The following USP34 variants were observed in gnomAD, a reference collection of about 807,000 sequenced individuals.
USP34 encodes ubiquitin specific peptidase 34, also known as ubiquitin carboxyl-terminal hydrolase 34.
In USP34, 70 loss-of-function variants were observed where a neutral mutation model predicts 460.3. The ratio of observed to expected loss-of-function variants is 0.15; its 90% CI spans 0.13 to 0.19. The LOEUF is 0.19. Ranked by LOEUF, USP34 falls within the 10% of genes least tolerant of loss-of-function variation. USP34 has a pLI of 1.00. For missense variants in USP34, 3,985 were observed against 4,236.2 expected, an observed-to-expected ratio of 0.94 and a Z score of 1.65; for synonymous variants, 1,647 against 1,405.3, an observed-to-expected ratio of 1.17 and a Z score of -3.85.
intron 49 of USP34, among the ~76,000 whole-genome samples, chr2:61,248,002 C>G (rs1279593425): frequency 2.0e-5 from 3 of 152,016 alleles, no homozygotes; most frequent in Non-Finnish European, 4.4e-5. Context: ...ACCTAGCCAA[C>G]ACGGCGAAAC....
At chr2:61,312,708 A>C (rs1435933520) in intron 25 of USP34, among the ~76,000 whole-genome samples, 1 of 152,138 alleles carries the variant, frequency 6.6e-6, no homozygotes, top group African/African-American at 2.4e-5. Context: ...AAGCCCAATT[A>C]ATAATTTGTT....
chr2:61,273,011 CAAT>C (rs1193119562), intron 41 of USP34, among the ~76,000 whole-genome samples: 2 of 152,112 alleles, frequency 1.3e-5, no homozygotes, highest in Non-Finnish European at 2.9e-5. Context: ...AGTCTACCAA[CAAT>C]AAGTCAATTT....
intron 19 of USP34, among the ~76,000 whole-genome samples, chr2:61,331,647 A>G (rs1482128572): frequency 6.6e-6 from 1 of 152,194 alleles, no homozygotes; most frequent in Non-Finnish European, 1.5e-5. Context: ...ATTAAAAGTA[A>G]TATGATACCC....
At chr2:61,433,396 A>T (rs936317817) in intron 1 of USP34, among the ~76,000 whole-genome samples, 2 of 152,110 alleles carry the variant, frequency 1.3e-5, no homozygotes, top group African/African-American at 4.8e-5. Context: ...CACTTTGAGG[A>T]GCTGAGGCAG....
At chr2:61,411,841 A>G (rs763953320) in intron 2 of USP34, among the ~76,000 whole-genome samples, 4 of 152,212 alleles carry the variant, frequency 2.6e-5, no homozygotes, top group African/African-American at 4.8e-5. Flanking sequence ...GATAACAATA[A>G]TAAGATATGC....
intron 8 of USP34, among the ~76,000 whole-genome samples, chr2:61,375,700 C>A (rs777238454): frequency 4.3e-5 from 6 of 137,944 alleles, no homozygotes; most frequent in Non-Finnish European, 7.6e-5. Context: ...ATCTGGGAGG[C>A]GGAGCTTGCA....
intron 10 of USP34, among the ~76,000 whole-genome samples, chr2:61,367,328 G>A (rs1007690312): frequency 6.6e-5 from 10 of 152,028 alleles, no homozygotes; most frequent in Non-Finnish European, 1.0e-4. Flanking sequence ...ACACGCGCGC[G>A]CACACACACA....
intron 67 of USP34, chr2:61,220,092 A>G: frequency 2.4e-6 from 1 of 415,278 alleles, no homozygotes; most frequent in East Asian, 4.0e-5. Flanking sequence ...TTATCAAGCA[A>G]GGAAACAAAA....
chr2:61,252,893 GACAAA>G (rs1291812590), intron 48 of USP34, among the ~76,000 whole-genome samples: 7 of 152,208 alleles, frequency 4.6e-5, no homozygotes, highest in South Asian at 4.2e-4. Context: ...AAACTAAGAT[GACAAA>G]ACAAAACAAA....
rs952597273 is a variant in USP34 at position 61,428,780 on chromosome 2, G to A, written c.44-7947C>T. ...CAGACTTAGGAAAAAAATTAGCTATGCCGATTCAGAGGTAACTCCTAGGAA... is the reference window on the plus strand; with the variant it reads ...CAGACTTAGGAAAAAAATTAGCTATACCGATTCAGAGGTAACTCCTAGGAA... On this transcript the variant is annotated intron_variant, in intron 1 of 79. Transcript: ENST00000398571. Among the ~76,000 whole-genome samples the A allele has an allele frequency of 2.6e-5, 4 of 152,278 alleles. No homozygotes were observed. The East Asian group carries it at 5.8e-4, about 22-fold the overall frequency.
intron 2 of USP34, among the ~76,000 whole-genome samples, chr2:61,411,182 C>G (rs1404148365): frequency 1.3e-5 from 2 of 151,702 alleles, no homozygotes; most frequent in Non-Finnish European, 2.9e-5. Context: ...CCCAGGAATT[C>G]AAGACTGGTC....
At chr2:61,234,948 T>G (rs1461610747) in intron 57 of USP34, among the ~76,000 whole-genome samples, 1 of 152,204 alleles carries the variant, frequency 6.6e-6, no homozygotes, top group African/African-American at 2.4e-5. Context: ...AAGTTTCTGT[T>G]TTAAATAAAT....
chr2:61,410,711 C>T (rs1258958829), intron 2 of USP34, among the ~76,000 whole-genome samples: 1 of 152,068 alleles, frequency 6.6e-6, no homozygotes, highest in Admixed American at 6.6e-5. Context: ...TACTAAAGAA[C>T]ACTCTAGAAA....
Position 61,206,856 on chromosome 2 carries a change from C to G in USP34, c.8950G>C (p.Glu2984Gln). 1 of 1,613,432 alleles carries G rather than the reference C, an allele frequency of 6.2e-7. No homozygotes were observed. Among genetic ancestry groups the G allele is most frequent in the Non-Finnish European group, 8.5e-7 (1 of 1,179,678 alleles). Reference protein sequence around the residue: ...SFNTLHMMYHEATACHVTGDL... With the variant: ...SFNTLHMMYHQATACHVTGDL... ...CCAGTCACATGGCAAGCTGTAGCTTCGTGATACATCATGTGCAAAGTGTTG... is the reference window on the plus strand; with the variant it reads ...CCAGTCACATGGCAAGCTGTAGCTTGGTGATACATCATGTGCAAAGTGTTG... Residue 2984 changes from glutamate to glutamine, a missense_variant, in exon 71 of 80, where the codon GAA becomes CAA. This residue lies in a region of USP34 where 275 missense variants were observed against 292.7 expected (regional missense o/e 0.94). Transcript: ENST00000398571.
chr2:61,469,577 G>C (rs551004570), intron 1 of USP34, among the ~76,000 whole-genome samples: 1 of 152,280 alleles, frequency 6.6e-6, no homozygotes, highest in East Asian at 1.9e-4. Flanking sequence ...GGTCATTAAA[G>C]TGACAGTCAA....
rs1691819269 is a variant in USP34, at chr2:61,347,863, G to A, written c.2285+7C>T. 2 of 1,611,530 alleles carry A rather than the reference G, an allele frequency of 1.2e-6. No homozygotes were observed. The highest frequency in any genetic ancestry group is 4.5e-5 in the East Asian group (2 of 44,846). The stretch of plus-strand genomic sequence containing the variant: ...TGAACTGAATATTTATTTTGAAGTA[G>A]GCTTACCCATCGTGGTGGTGGTGAT... On this transcript the variant is annotated splice_region_variant and intron_variant, in intron 15 of 79. Transcript: ENST00000398571.
chr2:61,438,223 A>G (rs1243510878), intron 1 of USP34, among the ~76,000 whole-genome samples: 1 of 152,212 alleles, frequency 6.6e-6, no homozygotes, highest in East Asian at 1.9e-4. Flanking sequence ...GATGTCATAC[A>G]TCTTAGCAAT....
At chr2:61,280,026 T>C (rs993139693) in intron 39 of USP34, among the ~76,000 whole-genome samples, 3 of 152,098 alleles carry the variant, frequency 2.0e-5, no homozygotes, top group African/African-American at 7.2e-5. Context: ...AAATTATGGA[T>C]AGATACCAGA....
At chr2:61,189,760 C>T (rs1401216018) in intron 78 of USP34, 1 of 152,704 alleles carries the variant, frequency 6.5e-6, no homozygotes, top group Non-Finnish European at 1.5e-5. Flanking sequence ...GTCTTCCTTA[C>T]TGAGCTCTGT....
Sources: allele counts gnomAD v4.1 joint callset (sites outside exome capture counted in the v4.1 genomes callset), GRCh38; gene constraint gnomAD v4.1.1; regional missense constraint gnomAD v4.1.1; transcripts MANE v1.5; gene names NCBI Gene and HGNC (gene_info 2026-07-23, HGNC 2026-07-21).